TRNT1: variants seen among roughly 807,000 people sequenced by gnomAD.
TRNT1 encodes the protein CCA tRNA nucleotidyltransferase 1, mitochondrial.
Under a neutral mutation model 45.6 loss-of-function variants are expected in TRNT1, and 44 were observed. That is an observed-to-expected ratio of 0.97 (90% CI 0.76 to 1.24). The LOEUF (loss-of-function observed/expected upper bound fraction) is 1.24, where lower values mean the gene tolerates loss of function less well. Ranked by LOEUF, TRNT1 falls within the 50% of genes most tolerant of loss-of-function variation. The pLI, the probability that TRNT1 is intolerant of heterozygous loss-of-function variation, is 0.00. For missense variants in TRNT1, 633 were observed against 504.4 expected (o/e 1.25, Z -2.44); for synonymous variants, 201 against 171.4 (o/e 1.17, Z -1.35).
At chr3:3,136,238 A>C (rs62228614) in intron 2 of TRNT1, among the ~76,000 whole-genome samples, 1 of 152,020 alleles carries the variant, frequency 6.6e-6, no homozygotes, top group Non-Finnish European at 1.5e-5. Context: ...TTTTGTGAAA[A>C]TGTTTCTGTA....
intron 3 of TRNT1, among the ~76,000 whole-genome samples, chr3:3,138,767 C>T (rs572049894): frequency 2.6e-5 from 4 of 152,092 alleles, no homozygotes; most frequent in African/African-American, 9.6e-5. Context: ...GAAAGCTTCC[C>T]GTTCATGTTT....
At chr3:3,128,412 C>T (rs540995396) in intron 1 of TRNT1, among the ~76,000 whole-genome samples, 2 of 152,106 alleles carry the variant, frequency 1.3e-5, no homozygotes, top group East Asian at 3.9e-4. Context: ...GTCTGGCCAA[C>T]GTGGTAAAAC....
chr3:3,146,495 A>G lies in TRNT1; in HGVS notation c.674A>G (p.Glu225Gly), dbSNP rs777017736. Residue 225 changes from glutamate (E) to glycine (G), a missense_variant, in exon 6 of 8, where the codon GAA (glutamate) becomes GGA (glycine). By Grantham distance (98) the Glu-to-Gly change is moderately conservative. Coordinates refer to ENST00000251607, the MANE Select transcript of TRNT1 (RefSeq NM_182916.3). ...HDPETLEAIA[E>G]NAKGLAGISG... ...CCTGAGACTTTGGAAGCAATTGCAGAAAATGCAAAAGGCTTGGCTGGAATA... is the reference window on the plus strand; with the variant it reads ...CCTGAGACTTTGGAAGCAATTGCAGGAAATGCAAAAGGCTTGGCTGGAATA... 6.2e-7 allele frequency: 1 copy of G among 1,614,062 alleles called. No individual in the cohort carries two copies. The highest frequency in any genetic ancestry group is 8.5e-7 in the Non-Finnish European group (1 of 1,179,966).
intron 2 of TRNT1, chr3:3,130,129 G>C (rs1249908754): frequency 2.4e-5 from 16 of 661,622 alleles, no homozygotes; most frequent in Non-Finnish European, 4.1e-5. Flanking sequence ...TACAAAGCCT[G>C]TGGGAATTTT....
intron 2 of TRNT1, 153 bp downstream of exon 2, chr3:3,129,341 G>A (rs1252251366): frequency 2.9e-6 from 2 of 692,930 alleles, no homozygotes; most frequent in Non-Finnish European, 4.6e-6. Flanking sequence ...TGTTGCCCAG[G>A]CTGGTCTCAA....
intron 2 of TRNT1, among the ~76,000 whole-genome samples, chr3:3,133,509 G>A (rs1705141352): frequency 6.6e-6 from 1 of 151,950 alleles, no homozygotes; most frequent in South Asian, 2.1e-4. Flanking sequence ...AGTGAGCTGT[G>A]GTGGTGCCAC....
At chr3:3,149,757 ACACT>A (rs1559235932), downstream of TRNT1, 1 of 152,140 alleles carries the variant, frequency 6.6e-6, no homozygotes, top group African/African-American at 2.4e-5. Context: ...ATGCAGTGTG[ACACT>A]CAACTGATTT....
At chr3:3,137,147 A>C in intron 2 of TRNT1, 113 bp from the exon 3 acceptor site, 2 of 801,064 alleles carry the variant, frequency 2.5e-6, no homozygotes, top group Non-Finnish European at 3.7e-6. Flanking sequence ...AGCCTCAGTT[A>C]AATGAATCTC....
rs1255778846 is a variant in TRNT1, at chr3:3,129,070, G to C, written c.30G>C (p.Arg10Ser). 6.2e-7 allele frequency: 1 copy of C among 1,613,836 alleles called. No individual in the cohort carries two copies. The highest frequency in any genetic ancestry group is 1.3e-5 in the African/African-American group (1 of 74,908). The change falls in exon 2 of 8, where the codon AGG (arginine) becomes AGC (serine). Residue 10 changes from arginine (R) to serine (S), a missense_variant. Transcript: ENST00000251607. The part of the protein sequence containing the change: MLRCLYHWH[R>S]PVLNRRWSRL... ...TGAGGTGCCTGTATCATTGGCACAG[G>C]CCAGTGCTGAACCGTAGGTGGAGTA... is the stretch of plus-strand genomic sequence containing the variant.
chr3:3,152,693 A>C (rs913603554), downstream of TRNT1: 2 of 1,347,976 alleles, frequency 1.5e-6, no homozygotes, highest in Admixed American at 1.9e-5. Flanking sequence ...TATGAGCTAT[A>C]CAGTTTTTAA....
At chr3:3,150,853 T>TATCA (rs759273775), downstream of TRNT1, 14 of 1,611,782 alleles carry the variant, frequency 8.7e-6, no homozygotes, top group African/African-American at 4.0e-5. Flanking sequence ...ACTTTATCTC[T>TATCA]ATCACATCTG....
chr3:3,134,843 T>G (rs1705228584), intron 2 of TRNT1, among the ~76,000 whole-genome samples: 1 of 152,120 alleles, frequency 6.6e-6, no homozygotes, highest in African/African-American at 2.4e-5. Flanking sequence ...AATTTTAATA[T>G]AATTGGTATG....
chr3:3,144,860 G>C, intron 5 of TRNT1, 150 bp downstream of exon 5: 1 of 622,798 alleles, frequency 1.6e-6, no homozygotes, highest in Non-Finnish European at 2.3e-6. Context: ...TATGACTTAT[G>C]AGTGAAAATT....
downstream of TRNT1, chr3:3,152,645 A>G (rs1027153909): frequency 1.9e-6 from 3 of 1,601,222 alleles, no homozygotes; most frequent in Admixed American, 3.3e-5. Flanking sequence ...ATTTTATTAA[A>G]TGCTTAGAAT....
chr3:3,152,526 G>A (rs752677569), downstream of TRNT1: 14 of 1,613,830 alleles, frequency 8.7e-6, no homozygotes, highest in Non-Finnish European at 3.4e-6. Context: ...TACACAGTAA[G>A]TGTCTCATGC....
In TRNT1 at chr3:3,129,110, A is replaced by C. The variant is rs756281845; in HGVS notation, c.70A>C (p.Lys24Gln). Residue 24 changes from lysine to glutamine, a missense_variant, in exon 2 of 8, where the codon AAG becomes CAG. Physicochemically the swap from Lys to Gln is moderately conservative, Grantham distance 53. Coordinates refer to ENST00000251607, the MANE Select transcript of TRNT1 (RefSeq NM_182916.3). Reference protein sequence around the residue: ...NRRWSRLCLPKQYLFTMKLQS... With the variant: ...NRRWSRLCLPQQYLFTMKLQS... ...TAGGTGGAGTAGGCTGTGCCTTCCG[A>C]AGCAGTATCTATTCACAATGAAGTT... 1 of 1,614,046 alleles carries C rather than the reference A, an allele frequency of 6.2e-7. No individual in the cohort carries two copies. Among genetic ancestry groups the C allele is most frequent in the Non-Finnish European group, 8.5e-7 (1 of 1,179,956 alleles).
chr3:3,138,787 G>A (rs962744645), intron 3 of TRNT1, among the ~76,000 whole-genome samples: 4 of 152,164 alleles, frequency 2.6e-5, no homozygotes, highest in Admixed American at 6.5e-5. Context: ...TCAGATGGAA[G>A]ATCTTTTATT....
At chr3:3,141,080 A>G (rs542772830) in intron 4 of TRNT1, among the ~76,000 whole-genome samples, 6 of 152,350 alleles carry the variant, frequency 3.9e-5, no homozygotes, top group East Asian at 1.9e-4. Context: ...TCAAAAAAAA[A>G]GAATAGACTC....
intron 2 of TRNT1, 44 bp downstream of exon 2, chr3:3,129,232 ATGG>A: frequency 6.5e-7 from 1 of 1,536,258 alleles, no homozygotes; most frequent in South Asian, 1.1e-5. Flanking sequence ...ACCTATATAA[ATGG>A]AGAAGTAGAG....
Sources: gnomAD v4.1 joint callset for allele counts (sites outside exome capture counted in the v4.1 genomes callset) on GRCh38, gnomAD v4.1.1 for gene constraint, MANE v1.5 for transcripts, NCBI Gene and HGNC (gene_info 2026-07-23, HGNC 2026-07-21) for gene names.